Variants in PFKP observed in about 807,000 individuals in gnomAD.
PFKP encodes phosphofructokinase, platelet.
In PFKP, 101 loss-of-function variants were observed where a neutral mutation model predicts 94.3. The ratio of observed to expected loss-of-function variants is 1.07; its 90% CI spans 0.91 to 1.26. PFKP has a LOEUF of 1.26. PFKP is among the 50% of genes most tolerant of loss of function. PFKP has a pLI of 0.00. For missense variants in PFKP, 1,145 were observed against 1,103.3 expected, an observed-to-expected ratio of 1.04 and a Z score of -0.53; for synonymous variants, 573 against 432.6, an observed-to-expected ratio of 1.32 and a Z score of -4.03.
chr10:3,115,270 T>C (rs1323760985), intron 13 of PFKP, among the ~76,000 whole-genome samples: 2 of 151,392 alleles, frequency 1.3e-5, no homozygotes, highest in East Asian at 1.9e-4. Context: ...GGGGTGAAAG[T>C]GTGTGTCCCA....
intron 16 of PFKP, among the ~76,000 whole-genome samples, chr10:3,121,322 C>G (rs1446712666): frequency 1.3e-5 from 2 of 152,180 alleles, no homozygotes; most frequent in East Asian, 1.9e-4. Flanking sequence ...TCTGGACCTA[C>G]CTTCGCACTG....
chr10:3,116,816 G>A lies in PFKP; in HGVS notation c.1412G>A (p.Gly471Asp), dbSNP rs867455398. The A allele has an allele frequency of 1.2e-6, 2 of 1,613,402 alleles. No homozygotes were observed. The highest frequency in any genetic ancestry group is 1.7e-6 in the Non-Finnish European group (2 of 1,179,312). ...IGWTDVGGWT[G>D]QGGSILGTKR... The stretch of plus-strand genomic sequence containing the variant: ...TGGACAGATGTCGGGGGCTGGACCG[G>A]CCAAGGAGGCTCCATTCTTGGGACA... Residue 471 changes from glycine (G) to aspartate (D), a missense_variant, in exon 14 of 22, where the codon GGC (glycine) becomes GAC (aspartate). By Grantham distance (94) the Gly-to-Asp change is moderately conservative. Around this residue, in one of 3 missense-constraint regions of PFKP, gnomAD observed 1,119 missense variants for 1,062.8 expected, o/e 1.05. Coordinates refer to ENST00000381125, the MANE Select transcript of PFKP (RefSeq NM_002627.5).
In PFKP at chr10:3,134,506, TAG is replaced by T. The variant is rs764050324; in HGVS notation, c.2048_2049del (p.Arg683LysfsTer32). On this transcript the variant is annotated frameshift_variant, in exon 20 of 22. Coordinates refer to ENST00000381125, the MANE Select transcript of PFKP (RefSeq NM_002627.5). LOFTEE classifies it high-confidence loss of function. ...QQGGAPSPFDRNFGTKISARA... is the reference protein window; with the variant it reads ...QQGGAPSPFDXNFGTKISARA... ...AGGGTGGGGCACCCTCTCCATTTGATAGAAACTTTGGAACCAAAATCTCTGCC... is the reference window on the plus strand; with the variant it reads ...AGGGTGGGGCACCCTCTCCATTTGATAAACTTTGGAACCAAAATCTCTGCC... 2.4e-5 allele frequency: 39 copies of T among 1,613,606 alleles called. 1 individual carries two copies. The South Asian group carries it at 4.1e-4, about 17-fold the overall frequency.
At chr10:3,118,971 G>A in intron 15 of PFKP, 102 bp downstream of exon 15, 1 of 827,736 alleles carries the variant, frequency 1.2e-6, no homozygotes, top group South Asian at 1.7e-5. Flanking sequence ...GATCCGAGAT[G>A]ATAGGTTCCC....
intron 16 of PFKP, among the ~76,000 whole-genome samples, chr10:3,124,113 C>G (rs1440782178): frequency 6.6e-6 from 1 of 151,850 alleles, no homozygotes; most frequent in African/African-American, 2.4e-5. Flanking sequence ...GGATGCTTTG[C>G]GTTGCACCAG....
Position 3,100,825 on chromosome 10 carries a change from G to C in PFKP, c.265-540G>C. 3 of 637,282 alleles carry C rather than the reference G, an allele frequency of 4.7e-6. 1 individual carries two copies. Among genetic ancestry groups the C allele is most frequent in the Non-Finnish European group, 8.1e-6 (3 of 369,414 alleles). The allele number at this position is 637,282 out of a possible 1,614,324, so 39.5% of individuals were successfully genotyped here. On this transcript the variant is annotated intron_variant, in intron 3 of 21. Transcript: ENST00000381125. ...GGATGAAAGAATTTAAGATCCTGAA[G>C]ATATAGCTCTTTAAAAGGGGCAGCG...
At position 3,086,762 on chromosome 10, in the gene PFKP, A is replaced by ATC. The variant is rs751138868; in HGVS notation, c.186+4307_186+4308dup. Among the ~76,000 whole-genome samples the ATC allele has an allele frequency of 1.8e-3, 266 of 151,994 alleles. 1 individual carries two copies. The highest frequency in any genetic ancestry group is 2.7e-3 in the Non-Finnish European group (181 of 67,968). ...TGGATGCAGTCCCTGGCCCACTTTA[A>ATC]TCTCTCTTGATGTAAGGGTTGTGTT... On this transcript the variant is annotated intron_variant, in intron 2 of 21. Transcript: ENST00000381125.
At chr10:3,075,658 T>C (rs951737280) in intron 1 of PFKP, among the ~76,000 whole-genome samples, 1 of 149,004 alleles carries the variant, frequency 6.7e-6, no homozygotes, top group African/African-American at 2.5e-5. Flanking sequence ...ATCCCAGCCC[T>C]TCAGGAGCCC....
At chr10:3,079,660 GGT>G (rs1173706743) in intron 1 of PFKP, among the ~76,000 whole-genome samples, 5 of 65,938 alleles carry the variant, frequency 7.6e-5, no homozygotes, top group East Asian at 4.6e-4. Context: ...CAGAGAGCGG[GGT>G]GGGGGGGGGG....
At chr10:3,101,306 C>CCA in intron 3 of PFKP, 59 bp from the exon 4 acceptor site, 1 of 1,393,792 alleles carries the variant, frequency 7.2e-7, no homozygotes, top group Non-Finnish European at 9.8e-7. Flanking sequence ...CCTGTGTGTG[C>CCA]CATCCACCTG....
At chr10:3,077,249 C>CTTTTTTT (rs35306351) in intron 1 of PFKP, among the ~76,000 whole-genome samples, 11 of 108,138 alleles carry the variant, frequency 1.0e-4, no homozygotes, top group Admixed American at 2.2e-4. Context: ...CTATTCTTTA[C>CTTTTTTT]TTTTTTTTTT....
At chr10:3,111,060 ATG>A (rs373343895) in intron 10 of PFKP, among the ~76,000 whole-genome samples, 61 of 149,884 alleles carry the variant, frequency 4.1e-4, no homozygotes, top group Non-Finnish European at 5.6e-4. Context: ...ATGTGTATAT[ATG>A]TGTGTGAGGT....
intron 1 of PFKP, among the ~76,000 whole-genome samples, chr10:3,078,194 C>G (rs1040691540): frequency 2.6e-5 from 4 of 152,224 alleles, no homozygotes; most frequent in Non-Finnish European, 5.9e-5. Context: ...AAACAGGTGA[C>G]TTTTACCTGT....
rs145983224 is a variant in PFKP, at chr10:3,111,374, G to A, written c.1090-848G>A. On this transcript the variant is annotated intron_variant, in intron 10 of 21. Transcript: ENST00000381125. ...TCTGCACGTTAGTGTGTGCCTGTGTGCATGTGAGAGGCAGTAGGCTTAAAA... is the reference window on the plus strand; with the variant it reads ...TCTGCACGTTAGTGTGTGCCTGTGTACATGTGAGAGGCAGTAGGCTTAAAA... Among the ~76,000 whole-genome samples the A allele has an allele frequency of 1.2e-3, 179 of 152,014 alleles. 3 individuals are homozygous for A. Among genetic ancestry groups the A allele is most frequent in the African/African-American group, 4.2e-3 (174 of 41,272 alleles).
chr10:3,078,495 G>C (rs902120471), intron 1 of PFKP, among the ~76,000 whole-genome samples: 1 of 152,164 alleles, frequency 6.6e-6, no homozygotes, highest in African/African-American at 2.4e-5. Flanking sequence ...GAACTAAACA[G>C]TCTCCACTCC....
intron 10 of PFKP, among the ~76,000 whole-genome samples, chr10:3,110,943 AGT>A (rs999788991): frequency 1.8e-4 from 27 of 147,206 alleles, no homozygotes; most frequent in South Asian, 1.1e-3. Context: ...TTTGTGAGGT[AGT>A]GTGTGTGCAT....
intron 17 of PFKP, among the ~76,000 whole-genome samples, chr10:3,130,798 C>G (rs939370815): frequency 2.6e-5 from 4 of 152,160 alleles, no homozygotes; most frequent in African/African-American, 9.7e-5. Context: ...ACCTCGTGAT[C>G]TGCCCACCTC....
Position 3,136,638 on chromosome 10 carries a change from A to G in PFKP, c.*59A>G. ...TGGACTGTCTGTTTTTGTAACACTTAAGTTATTTTATCAGCACTTTATGCA... is the reference window on the plus strand; with the variant it reads ...TGGACTGTCTGTTTTTGTAACACTTGAGTTATTTTATCAGCACTTTATGCA... On this transcript the variant is annotated 3_prime_UTR_variant, in exon 22 of 22. Transcript: ENST00000381125. 6.4e-7 allele frequency: 1 copy of G among 1,571,456 alleles called. No individual in the cohort carries two copies. Among genetic ancestry groups the G allele is most frequent in the Non-Finnish European group, 8.7e-7 (1 of 1,149,276 alleles).
chr10:3,130,950 C>T (rs1341658282), intron 17 of PFKP, among the ~76,000 whole-genome samples: 1 of 152,162 alleles, frequency 6.6e-6, no homozygotes, highest in Non-Finnish European at 1.5e-5. Flanking sequence ...ACATGTGAAT[C>T]ACGAATTTCT....
Sources: gnomAD v4.1 joint callset for allele counts (sites outside exome capture counted in the v4.1 genomes callset) on GRCh38, gnomAD v4.1.1 for gene constraint, gnomAD v4.1.1 regional missense constraint, MANE v1.5 for transcripts, NCBI Gene and HGNC (gene_info 2026-07-23, HGNC 2026-07-21) for gene names.